The following LAMC1 variants were observed in gnomAD, a reference collection of about 807,000 sequenced individuals.
LAMC1 encodes the protein laminin subunit gamma 1.
LAMC1 carries 38 observed loss-of-function variants against 173.6 expected under a neutral mutation model. The observed-to-expected ratio is 0.22, with a 90% confidence interval of 0.17 to 0.29. LAMC1 has a LOEUF of 0.29. Ranked by LOEUF, LAMC1 falls within the 10% of genes least tolerant of loss-of-function variation. LAMC1 has a pLI of 1.00. For synonymous variants in LAMC1, 746 were observed against 749.1 expected (o/e 1.00, Z 0.07); for missense variants, 1,824 against 2,051.8 (o/e 0.89, Z 2.14).
At chr1:183,064,919 C>G (rs556162255) in intron 1 of LAMC1, among the ~76,000 whole-genome samples, 1 of 152,250 alleles carries the variant, frequency 6.6e-6, no homozygotes, top group South Asian at 2.1e-4. Flanking sequence ...AGGGTGCACT[C>G]ACACACACCC....
At chr1:183,121,645 C>G (rs1656477227) in intron 11 of LAMC1, 78 bp from the exon 12 acceptor site, 28 of 1,304,038 alleles carry the variant, frequency 2.1e-5, no homozygotes, top group Non-Finnish European at 2.8e-5. Context: ...GGTCTAGTTA[C>G]TTTTTAGTGT....
intron 13 of LAMC1, 112 bp downstream of exon 13, chr1:183,122,363 A>G: frequency 3.0e-6 from 3 of 996,746 alleles, no homozygotes; most frequent in South Asian, 3.1e-5. Flanking sequence ...TTCAGTGGTT[A>G]TGGTTTTCCT....
At chr1:183,137,897 T>C in intron 26 of LAMC1, 70 bp downstream of exon 26, 1 of 1,307,366 alleles carries the variant, frequency 7.6e-7, no homozygotes, top group Non-Finnish European at 1.0e-6. Flanking sequence ...ATCCCCCACT[T>C]GTTGAGAAGA....
At chr1:183,060,667 A>C (rs775990296) in intron 1 of LAMC1, among the ~76,000 whole-genome samples, 2 of 152,204 alleles carry the variant, frequency 1.3e-5, no homozygotes, top group Non-Finnish European at 1.5e-5. Context: ...CAAGAGCTAG[A>C]TCTTAATCAT....
intron 1 of LAMC1, among the ~76,000 whole-genome samples, chr1:183,049,965 C>T (rs1487287356): frequency 5.3e-5 from 8 of 151,998 alleles, no homozygotes; most frequent in South Asian, 2.1e-4. Flanking sequence ...CATGTGTTTC[C>T]GTGCATTATT....
chr1:183,136,522 G>A lies in LAMC1; in HGVS notation c.4251G>A (p.Ala1417=), dbSNP rs750359420. 53 of 1,613,848 alleles carry A rather than the reference G, an allele frequency of 3.3e-5. No homozygotes were observed. Among genetic ancestry groups the A allele is most frequent in the East Asian group, 2.9e-4 (13 of 44,884 alleles). The part of the protein sequence containing the change: ...EAQQALGSAA[A]DATEAKNKAH... Reference sequence around the variant, plus strand: ...AGCAGGCCCTGGGCAGTGCTGCGGCGGATGCCACAGAGGCCAAGAACAAGG... The same window carrying A: ...AGCAGGCCCTGGGCAGTGCTGCGGCAGATGCCACAGAGGCCAAGAACAAGG... The change falls in exon 25 of 28, where the codon GCG becomes GCA. Residue 1417 remains alanine, a synonymous_variant. Transcript: ENST00000258341.
At chr1:183,069,299 G>A (rs976196893) in intron 1 of LAMC1, among the ~76,000 whole-genome samples, 3 of 152,174 alleles carry the variant, frequency 2.0e-5, no homozygotes, top group Admixed American at 2.0e-4. Flanking sequence ...TTGTGCTAAT[G>A]CATGTTTAAA....
intron 1 of LAMC1, among the ~76,000 whole-genome samples, chr1:183,064,673 T>C (rs1654822903): frequency 1.3e-5 from 2 of 152,188 alleles, no homozygotes; most frequent in South Asian, 4.1e-4. Context: ...TGTTACCATA[T>C]AATTAAAAAA....
chr1:183,065,359 G>T (rs1239614955), intron 1 of LAMC1, among the ~76,000 whole-genome samples: 1 of 152,192 alleles, frequency 6.6e-6, no homozygotes, highest in Non-Finnish European at 1.5e-5. Flanking sequence ...TCCAAAATCT[G>T]TGGGGCAGGC....
At chr1:183,057,279 T>G (rs975137792) in intron 1 of LAMC1, among the ~76,000 whole-genome samples, 1 of 152,232 alleles carries the variant, frequency 6.6e-6, no homozygotes, top group African/African-American at 2.4e-5. Context: ...CACAATGATG[T>G]CTGTTTCACA....
At position 183,032,774 on chromosome 1, in the gene LAMC1, G is replaced by A. The variant is rs1303331396; in HGVS notation, c.418+8640G>A. On this transcript the variant is annotated intron_variant, in intron 1 of 27. Transcript: ENST00000258341. Reference sequence around the variant, plus strand: ...TTTTGTTTCATGATGATAAATCACAGTACTGTGTATATATGAAAGTTTCTG... The same window carrying A: ...TTTTGTTTCATGATGATAAATCACAATACTGTGTATATATGAAAGTTTCTG... Among the ~76,000 whole-genome samples the A allele has an allele frequency of 3.9e-5, 6 of 152,236 alleles. No individual in the cohort carries two copies. The East Asian group carries it at 1.2e-3, about 29-fold the overall frequency.
At chr1:183,084,814 A>G (rs1655383882) in intron 1 of LAMC1, among the ~76,000 whole-genome samples, 2 of 152,240 alleles carry the variant, frequency 1.3e-5, no homozygotes, top group South Asian at 4.1e-4. Context: ...CAATGTGAAT[A>G]TTCTTAAAAT....
At chr1:183,133,147 G>A (rs1426451145) in intron 21 of LAMC1, among the ~76,000 whole-genome samples, 2 of 152,170 alleles carry the variant, frequency 1.3e-5, no homozygotes, top group East Asian at 3.9e-4. Context: ...CTGACCTGAA[G>A]TGATCTGCTC....
At chr1:183,028,033 C>T (rs568335216) in intron 1 of LAMC1, among the ~76,000 whole-genome samples, 16 of 152,270 alleles carry the variant, frequency 1.1e-4, no homozygotes, top group African/African-American at 3.6e-4. Context: ...TATAAAGTTG[C>T]TGTTGGCTGC....
chr1:183,046,476 C>T (rs1286839716), intron 1 of LAMC1, among the ~76,000 whole-genome samples: 3 of 151,982 alleles, frequency 2.0e-5, no homozygotes, highest in African/African-American at 7.2e-5. Context: ...TAATTTATAT[C>T]TTCTCTGTTT....
Position 183,117,103 on chromosome 1 carries a change from G to A in LAMC1, c.1564+200G>A, listed in dbSNP as rs10752900. On this transcript the variant is annotated intron_variant, in intron 8 of 27. Transcript: ENST00000258341. ...GGCTTTAGAATTTATCTCAATGAAT[G>A]GTGATTACAAATGTTATATAAATAG... is the stretch of plus-strand genomic sequence containing the variant. 380,987 of 682,790 alleles carry A rather than the reference G, an allele frequency of 0.56. 108,522 individuals carry two copies. The highest frequency in any genetic ancestry group is 0.65 in the South Asian group (28,727 of 43,944). The allele number at this position is 682,790 out of a possible 1,614,324, so 42.3% of individuals were successfully genotyped here. A position where few individuals can be genotyped will look rare whatever the true frequency, so the allele number is the denominator to read the frequency against.
chr1:183,095,280 A>G (rs1655664147), intron 1 of LAMC1, among the ~76,000 whole-genome samples: 1 of 152,190 alleles, frequency 6.6e-6, no homozygotes, highest in Non-Finnish European at 1.5e-5. Flanking sequence ...TTAGTCTATT[A>G]CTATACCACC....
chr1:183,089,233 C>G (rs1655506755), intron 1 of LAMC1, among the ~76,000 whole-genome samples: 1 of 152,152 alleles, frequency 6.6e-6, no homozygotes, highest in Non-Finnish European at 1.5e-5. Context: ...GTGAAATACT[C>G]CCATGGAGGA....
intron 1 of LAMC1, among the ~76,000 whole-genome samples, chr1:183,095,537 T>C (rs750967868): frequency 1.3e-5 from 2 of 152,232 alleles, no homozygotes; most frequent in Non-Finnish European, 2.9e-5. Flanking sequence ...TTTAGTGTTA[T>C]AATTAACTTA....
Sources: gnomAD v4.1 joint callset for allele counts (sites outside exome capture counted in the v4.1 genomes callset) on GRCh38, gnomAD v4.1.1 for gene constraint, MANE v1.5 for transcripts, NCBI Gene and HGNC (gene_info 2026-07-23, HGNC 2026-07-21) for gene names.